MTHFD1L: variants seen among roughly 807,000 people sequenced by gnomAD.
The protein encoded by MTHFD1L is methylenetetrahydrofolate dehydrogenase (NADP+ dependent) 1 like.
A neutral mutation model predicts 119.5 loss-of-function variants in MTHFD1L; 81 were observed. The observed-to-expected ratio is 0.68, with a 90% CI of 0.57 to 0.82. The LOEUF is 0.82. MTHFD1L is among the 40% of genes least tolerant of loss of function. The pLI is 0.00. For synonymous variants in MTHFD1L, 430 were observed against 475.2 expected (o/e 0.90, Z 1.24); for missense variants, 1,125 against 1,253.4 (o/e 0.90, Z 1.55).
chr6:150,940,030 A>T (rs185282573), intron 13 of MTHFD1L, among the ~76,000 whole-genome samples: 1 of 151,972 alleles, frequency 6.6e-6, no homozygotes, highest in Non-Finnish European at 1.5e-5. Flanking sequence ...GGATTTTCCC[A>T]TGCCTGGAAC....
chr6:150,876,790 G>A (rs966046986), intron 2 of MTHFD1L, among the ~76,000 whole-genome samples: 2 of 152,172 alleles, frequency 1.3e-5, no homozygotes, highest in African/African-American at 4.8e-5. Context: ...TGACAGTTGG[G>A]CTGCTACCGC....
At chr6:151,008,952 A>G (rs1479038487) in intron 20 of MTHFD1L, among the ~76,000 whole-genome samples, 1 of 145,898 alleles carries the variant, frequency 6.9e-6, no homozygotes, top group African/African-American at 2.8e-5. Context: ...ACCCGTCTCT[A>G]CTAACAATAA....
chr6:150,943,032 C>G, intron 13 of MTHFD1L, among the ~76,000 whole-genome samples: 1 of 149,206 alleles, frequency 6.7e-6, no homozygotes, highest in East Asian at 2.0e-4. Context: ...CCTGTAATCC[C>G]AGCACTTTGG....
rs144105035 is a variant in MTHFD1L at position 151,004,195 on chromosome 6, C to T, written c.2126-5624C>T. Among the ~76,000 whole-genome samples, 271 of 151,946 alleles carry T rather than the reference C, an allele frequency of 1.8e-3. 1 individual carries two copies. The highest frequency in any genetic ancestry group is 6.2e-3 in the African/African-American group (258 of 41,432). On this transcript the variant is annotated intron_variant, in intron 20 of 27. Coordinates refer to ENST00000367321, the MANE Select transcript of MTHFD1L (RefSeq NM_015440.5). Reference sequence around the variant, plus strand: ...CTGTCTCTACTAAATACAAAAATCACGCTCCTGTAATCCCAGTTACTTGGG... The same window carrying T: ...CTGTCTCTACTAAATACAAAAATCATGCTCCTGTAATCCCAGTTACTTGGG...
intron 20 of MTHFD1L, among the ~76,000 whole-genome samples, chr6:151,000,020 G>A (rs1323772767): frequency 6.6e-6 from 1 of 152,200 alleles, no homozygotes; most frequent in Non-Finnish European, 1.5e-5. Flanking sequence ...GAGGTGGAAA[G>A]GAAGAAGGGC....
chr6:150,997,516 C>T (rs924104851), intron 20 of MTHFD1L, among the ~76,000 whole-genome samples: 7 of 152,086 alleles, frequency 4.6e-5, no homozygotes, highest in East Asian at 1.9e-4. Flanking sequence ...AGGCTGGGCA[C>T]GGTGTCTCAC....
chr6:150,968,334 T>G (rs1665675364), intron 19 of MTHFD1L, among the ~76,000 whole-genome samples: 1 of 152,208 alleles, frequency 6.6e-6, no homozygotes, highest in Admixed American at 6.5e-5. Flanking sequence ...AATAATTAAG[T>G]GAATGTTTAT....
chr6:150,926,445 A>C lies in MTHFD1L; in HGVS notation c.1256+150A>C. On this transcript the variant is annotated intron_variant, in intron 11 of 27. Transcript: ENST00000367321. This position sits in a 1 kb window ranked among gnomAD's most constrained non-coding sequence, Gnocchi z 4.3. ...TTGGCATTTCTTTATTTGGTGTGAG[A>C]TAAGTTTTTATTTTCAGTGCAGAGC... The C allele has an allele frequency of 2.6e-6, 2 of 775,718 alleles. No individual in the cohort carries two copies. Among genetic ancestry groups the C allele is most frequent in the Non-Finnish European group, 3.9e-6 (2 of 511,570 alleles). The allele number at this position is 775,718 out of a possible 1,614,324, so 48.1% of individuals were successfully genotyped here.
intron 1 of MTHFD1L, among the ~76,000 whole-genome samples, chr6:150,874,757 C>G (rs1215220941): frequency 6.6e-6 from 1 of 151,756 alleles, no homozygotes; most frequent in Admixed American, 6.6e-5. Context: ...AAGAGCTGAG[C>G]TCCTAACACT....
chr6:150,926,209 C>G lies in MTHFD1L; in HGVS notation c.1170C>G (p.Ile390Met). 1 of 1,614,078 alleles carries G rather than the reference C, an allele frequency of 6.2e-7. No homozygotes were observed. Among genetic ancestry groups the G allele is most frequent in the African/African-American group, 1.3e-5 (1 of 74,998 alleles). The change falls in exon 11 of 28, where the codon ATC becomes ATG. Residue 390 changes from isoleucine to methionine, a missense_variant. This residue lies in a region of MTHFD1L where 1,058 missense variants were observed against 1,151.2 expected (regional missense o/e 0.92). Transcript: ENST00000367321. This position sits in a 1 kb window ranked among gnomAD's most constrained non-coding sequence, Gnocchi z 4.3. ...GATTGCTTGCAGATGAAATTGAAATCTATGGCAAAAGCAAAGCCAAAGTAC... is the reference window on the plus strand; with the variant it reads ...GATTGCTTGCAGATGAAATTGAAATGTATGGCAAAAGCAAAGCCAAAGTAC... ...EIGLLADEIE[I>M]YGKSKAKVRL...
intron 7 of MTHFD1L, among the ~76,000 whole-genome samples, chr6:150,898,526 C>T (rs998424168): frequency 1.3e-5 from 2 of 152,178 alleles, no homozygotes; most frequent in Non-Finnish European, 2.9e-5. Context: ...GCAGAATTTT[C>T]CCCTGCAACG....
Position 151,037,793 on chromosome 6 carries a change from A to G in MTHFD1L, c.2847+676A>G, listed in dbSNP as rs566690775. On this transcript the variant is annotated intron_variant, in intron 26 of 27. Transcript: ENST00000367321. ...TACACAGTGATAGCCTTCCGTTGGT[A>G]CCGTCAGTGGCCTAAATTTGACTTC... is the stretch of plus-strand genomic sequence containing the variant. Among the ~76,000 whole-genome samples, 4 of 152,326 alleles carry G rather than the reference A, an allele frequency of 2.6e-5. No individual in the cohort carries two copies. In the South Asian group the frequency reaches 8.3e-4, roughly 32 times the overall value.
chr6:151,049,576 C>A (rs1378754083), intron 26 of MTHFD1L, among the ~76,000 whole-genome samples: 2 of 148,342 alleles, frequency 1.3e-5, no homozygotes, highest in Non-Finnish European at 3.0e-5. Flanking sequence ...GCAGGAGAAT[C>A]GCTTGAACCC....
intron 18 of MTHFD1L, among the ~76,000 whole-genome samples, chr6:150,962,084 G>C (rs764130502): frequency 1.3e-5 from 2 of 152,128 alleles, no homozygotes; most frequent in Non-Finnish European, 2.9e-5. Context: ...CTGCCTCCCA[G>C]ATTCAAGTGA....
At chr6:150,935,265 T>C in intron 11 of MTHFD1L, 2 of 1,611,814 alleles carry the variant, frequency 1.2e-6, no homozygotes, top group Admixed American at 1.7e-5. Context: ...GTATTTGTTG[T>C]GGACTCTGTT....
At chr6:151,091,718 A>G (rs1584453482) in intron 26 of MTHFD1L, among the ~76,000 whole-genome samples, 1 of 152,124 alleles carries the variant, frequency 6.6e-6, no homozygotes, top group East Asian at 1.9e-4. Context: ...AAGTGTCACA[A>G]AAGCAGTCGT....
intron 20 of MTHFD1L, among the ~76,000 whole-genome samples, chr6:150,994,072 A>G (rs1031483965): frequency 6.9e-6 from 1 of 144,626 alleles, no homozygotes; most frequent in African/African-American, 2.8e-5. Context: ...AGTAAAAAAA[A>G]AAAAAAAAGA....
At chr6:150,866,364 A>G (rs752095666) in intron 1 of MTHFD1L, 32 of 1,415,574 alleles carry the variant, frequency 2.3e-5, no homozygotes, top group Non-Finnish European at 2.6e-5. Context: ...CTCTGATGCA[A>G]TCGCGCCGGG....
At chr6:150,885,587 T>C in intron 5 of MTHFD1L, 47 bp from the exon 6 acceptor site, 1 of 1,465,158 alleles carries the variant, frequency 6.8e-7, no homozygotes, top group Non-Finnish European at 9.6e-7. Flanking sequence ...TGAGTGATTT[T>C]TTTGGCTGGG....
Sources: gnomAD v4.1 joint callset for allele counts (sites outside exome capture counted in the v4.1 genomes callset) on GRCh38, gnomAD v4.1.1 for gene constraint, gnomAD v4.1.1 regional missense constraint, Gnocchi (gnomAD v3.1) non-coding constraint, MANE v1.5 for transcripts, NCBI Gene and HGNC (gene_info 2026-07-23, HGNC 2026-07-21) for gene names.